Variants in NPAP1 observed in about 807,000 individuals in gnomAD.
The protein encoded by NPAP1 is nuclear pore associated protein 1.
For synonymous variants in NPAP1, 616 were observed against 581.4 expected, an observed-to-expected ratio of 1.06 and a Z score of -0.86; for missense variants, 1,483 against 1,454.5, an observed-to-expected ratio of 1.02 and a Z score of -0.32.
At position 24,680,949 on chromosome 15, in the gene NPAP1, C is replaced by T. The variant is rs1426019821; in HGVS notation, c.*1611C>T. The T allele has an allele frequency of 6.0e-6, 1 of 166,986 alleles. No homozygotes were observed. Among genetic ancestry groups the T allele is most frequent in the Non-Finnish European group, 1.5e-5 (1 of 68,130 alleles). The allele number at this position is 166,986 out of a possible 1,614,324, so 10.3% of individuals were successfully genotyped here. A position where few individuals can be genotyped will look rare whatever the true frequency, so the allele number is the denominator to read the frequency against. ...CAGGTGTTTCAGTTTACACTGTGAA[C>T]AAGCCTCACTGGGAAGGTAAATTTA... On this transcript the variant is annotated 3_prime_UTR_variant, in exon 1 of 1. Coordinates refer to ENST00000329468, the MANE Select transcript of NPAP1 (RefSeq NM_018958.3).
chr15:24,678,882 A>T lies in NPAP1; in HGVS notation c.3015A>T (p.Pro1005=), dbSNP rs1254649922. The T allele has an allele frequency of 6.2e-7, 1 of 1,614,034 alleles. No homozygotes were observed. Among genetic ancestry groups the T allele is most frequent in the Non-Finnish European group, 8.5e-7 (1 of 1,180,032 alleles). The change falls in exon 1 of 1, where the codon CCA becomes CCT. Residue 1005 remains proline (P), a synonymous_variant. Coordinates refer to ENST00000329468, the MANE Select transcript of NPAP1 (RefSeq NM_018958.3). ...TGGTTGGAAATACTATTCCAGGCCCACAAGTGATTATGGGACCTGGAACCC... is the reference window on the plus strand; with the variant it reads ...TGGTTGGAAATACTATTCCAGGCCCTCAAGTGATTATGGGACCTGGAACCC... ...TLLVGNTIPG[P]QVIMGPGTPM... is the part of the protein sequence containing the mutation.
chr15:24,675,901 TGCC>T lies in NPAP1; in HGVS notation c.42_44del (p.Arg15del). The T allele has an allele frequency of 6.3e-7, 1 of 1,577,806 alleles. No homozygotes were observed. Among genetic ancestry groups the T allele is most frequent in the Non-Finnish European group, 8.6e-7 (1 of 1,165,596 alleles). ...TTTACTTAGTAAATTTAGACCCGGG[TGCC>T]GCCGCCGGCCCCTGCCAGGGCCAGG... On this transcript the variant is annotated inframe_deletion, in exon 1 of 1. Coordinates refer to ENST00000329468, the MANE Select transcript of NPAP1 (RefSeq NM_018958.3).
rs771165588 is a variant in NPAP1 at position 24,676,033 on chromosome 15, C to G, written c.166C>G (p.Arg56Gly). The G allele has an allele frequency of 5.0e-6, 8 of 1,596,386 alleles. No individual in the cohort carries two copies. Among genetic ancestry groups the G allele is most frequent in the Non-Finnish European group, 6.0e-6 (7 of 1,172,882 alleles). ...PFRGLFRRNARRRPSAASIFV... is the reference protein window; with the variant it reads ...PFRGLFRRNAGRRPSAASIFV... Reference sequence around the variant, plus strand: ...CCGCGGCCTGTTCCGCCGGAACGCCCGTCGCAGGCCTTCAGCAGCCAGCAT... The same window carrying G: ...CCGCGGCCTGTTCCGCCGGAACGCCGGTCGCAGGCCTTCAGCAGCCAGCAT... Residue 56 changes from arginine (R) to glycine (G), a missense_variant, in exon 1 of 1, where the codon CGT becomes GGT. Physicochemically the swap from Arg to Gly is moderately radical, Grantham distance 125 (BLOSUM62 -2). Coordinates refer to ENST00000329468, the MANE Select transcript of NPAP1 (RefSeq NM_018958.3).
rs534698147 is a variant in NPAP1 at position 24,676,433 on chromosome 15, C to T, written c.566C>T (p.Ser189Phe). Reference sequence around the variant, plus strand: ...AGCAGCGGAGAAGCATCGTCCACATCCAGGTCCCAGGGCACCCAGGGAGAC... The same window carrying T: ...AGCAGCGGAGAAGCATCGTCCACATTCAGGTCCCAGGGCACCCAGGGAGAC... ...PLSSGEASST[S>F]RSQGTQGDVA... Residue 189 changes from serine (S) to phenylalanine (F), a missense_variant, in exon 1 of 1, where the codon TCC (serine) becomes TTC (phenylalanine). Transcript: ENST00000329468. The T allele has an allele frequency of 6.2e-7, 1 of 1,611,390 alleles. No individual in the cohort carries two copies. The highest frequency in any genetic ancestry group is 1.3e-5 in the African/African-American group (1 of 74,972).
At position 24,676,954 on chromosome 15, in the gene NPAP1, G is replaced by A. The variant is rs143596937; in HGVS notation, c.1087G>A (p.Glu363Lys). 2.5e-6 allele frequency: 4 copies of A among 1,597,268 alleles called. No homozygotes were observed. The African/African-American group carries it at 4.2e-5, about 17-fold the overall frequency. The change falls in exon 1 of 1, where the codon GAG (glutamate) becomes AAG (lysine). Residue 363 changes from glutamate to lysine, a missense_variant. Physicochemically the swap from Glu to Lys is moderately conservative, Grantham distance 56 (BLOSUM62 1). Coordinates refer to ENST00000329468, the MANE Select transcript of NPAP1 (RefSeq NM_018958.3). Reference protein sequence around the residue: ...PPAKLPCLSVEGDLHTLEKSP... With the variant: ...PPAKLPCLSVKGDLHTLEKSP... ...TGCTAAGCTCCCCTGCCTGTCTGTT[G>A]AGGGAGACCTACACACCTTGGAGAA...
In NPAP1 at chr15:24,680,127, C is replaced by G. The variant is rs1193645076; in HGVS notation, c.*789C>G. On this transcript the variant is annotated 3_prime_UTR_variant, in exon 1 of 1. Transcript: ENST00000329468. ...TCTCCTGTCTTAGCCTCCTGAGTAG[C>G]TGGGACTACAGGCATATGCCACCAC... 1 of 160,458 alleles carries G rather than the reference C, an allele frequency of 6.2e-6. No individual in the cohort carries two copies. The highest frequency in any genetic ancestry group is 2.1e-4 in the South Asian group (1 of 4,876). The allele number at this position is 160,458 out of a possible 1,614,324, so 9.9% of individuals were successfully genotyped here. A position where few individuals can be genotyped will look rare whatever the true frequency, so the allele number is the denominator to read the frequency against.
In NPAP1 at chr15:24,676,412, G is replaced by A. The variant is rs2141307955; in HGVS notation, c.545G>A (p.Ser182Asn). ...EDDEKRTPLS[S>N]GEASSTSRSQ... The stretch of plus-strand genomic sequence containing the variant: ...GACGAGAAAAGGACCCCCCTTAGCA[G>A]CGGAGAAGCATCGTCCACATCCAGG... The change falls in exon 1 of 1, where the codon AGC becomes AAC. Residue 182 changes from serine to asparagine, a missense_variant. Ser to Asn is a conservative substitution (Grantham distance 46, BLOSUM62 1). Transcript: ENST00000329468. 2 of 1,602,572 alleles carry A rather than the reference G, an allele frequency of 1.2e-6. No individual in the cohort carries two copies. The highest frequency in any genetic ancestry group is 2.2e-5 in the East Asian group (1 of 44,816).
rs2141310702 is a variant in NPAP1, at chr15:24,677,597, A to G, written c.1730A>G (p.Asn577Ser). ...SQTAVDPEVV[N>S]MDTTAPSQVV... ...ACTGCGGTAGACCCTGAAGTAGTTA[A>G]TATGGATACTACTGCCCCATCTCAG... is the stretch of plus-strand genomic sequence containing the variant. The change falls in exon 1 of 1, where the codon AAT (asparagine) becomes AGT (serine). Residue 577 changes from asparagine (N) to serine (S), a missense_variant. By Grantham distance (46) the Asn-to-Ser change is conservative. Coordinates refer to ENST00000329468, the MANE Select transcript of NPAP1 (RefSeq NM_018958.3). 6.2e-7 allele frequency: 1 copy of G among 1,614,194 alleles called. No homozygotes were observed.
At position 24,682,435 on chromosome 15, in the gene NPAP1, T is replaced by C. The variant is rs554870834; in HGVS notation, c.*3097T>C. Reference sequence around the variant, plus strand: ...CCTGGTAAGACAAACTTTGAATAAATGTGTGAGAGATACAAAGATAATTTT... The same window carrying C: ...CCTGGTAAGACAAACTTTGAATAAACGTGTGAGAGATACAAAGATAATTTT... On this transcript the variant is annotated 3_prime_UTR_variant, in exon 1 of 1. Transcript: ENST00000329468. 1 of 166,788 alleles carries C rather than the reference T, an allele frequency of 6.0e-6. No individual in the cohort carries two copies. The highest frequency in any genetic ancestry group is 1.9e-4 in the East Asian group (1 of 5,192). The allele number at this position is 166,788 out of a possible 1,614,324, so 10.3% of individuals were successfully genotyped here.
Position 24,676,065 on chromosome 15 carries a change from C to A in NPAP1, c.198C>A (p.Val66=), listed in dbSNP as rs1344201433. 3 of 1,576,664 alleles carry A rather than the reference C, an allele frequency of 1.9e-6. No individual in the cohort carries two copies. The highest frequency in any genetic ancestry group is 1.9e-5 in the Admixed American group (1 of 53,912). The part of the protein sequence containing the change: ...RRRPSAASIF[V]APKRPCPLPR... The stretch of plus-strand genomic sequence containing the variant: ...GGCCTTCAGCAGCCAGCATCTTCGT[C>A]GCCCCTAAGAGGCCGTGTCCTCTCC... Residue 66 remains valine, a synonymous_variant, in exon 1 of 1, where the codon GTC becomes GTA. Coordinates refer to ENST00000329468, the MANE Select transcript of NPAP1 (RefSeq NM_018958.3).
Position 24,676,036 on chromosome 15 carries a change from C to A in NPAP1, c.169C>A (p.Arg57Ser), listed in dbSNP as rs1184169080. Reference sequence around the variant, plus strand: ...CGGCCTGTTCCGCCGGAACGCCCGTCGCAGGCCTTCAGCAGCCAGCATCTT... The same window carrying A: ...CGGCCTGTTCCGCCGGAACGCCCGTAGCAGGCCTTCAGCAGCCAGCATCTT... ...FRGLFRRNARRRPSAASIFVA... is the reference protein window; with the variant it reads ...FRGLFRRNARSRPSAASIFVA... The change falls in exon 1 of 1, where the codon CGC becomes AGC. Residue 57 changes from arginine (R) to serine (S), a missense_variant. Coordinates refer to ENST00000329468, the MANE Select transcript of NPAP1 (RefSeq NM_018958.3). 1 of 1,596,336 alleles carries A rather than the reference C, an allele frequency of 6.3e-7. No individual in the cohort carries two copies. Among genetic ancestry groups the A allele is most frequent in the South Asian group, 1.1e-5 (1 of 89,248 alleles).
At position 24,682,120 on chromosome 15, in the gene NPAP1, G is replaced by T. The variant is rs749413509; in HGVS notation, c.*2782G>T. Reference sequence around the variant, plus strand: ...ATAACAGAGACTAAAACATTTATGAGATTAGGCCTGAAAGAAAACAATCAC... The same window carrying T: ...ATAACAGAGACTAAAACATTTATGATATTAGGCCTGAAAGAAAACAATCAC... On this transcript the variant is annotated 3_prime_UTR_variant, in exon 1 of 1. Transcript: ENST00000329468. 3 of 166,982 alleles carry T rather than the reference G, an allele frequency of 1.8e-5. No individual in the cohort carries two copies. Among genetic ancestry groups the T allele is most frequent in the Non-Finnish European group, 4.4e-5 (3 of 68,106 alleles). The allele number at this position is 166,982 out of a possible 1,614,324, so 10.3% of individuals were successfully genotyped here.
At position 24,675,930 on chromosome 15, in the gene NPAP1, G is replaced by A. The variant is rs1282778094; in HGVS notation, c.63G>A (p.Gly21=). The change falls in exon 1 of 1, where the codon GGG becomes GGA. Residue 21 remains glycine (G), a synonymous_variant. Transcript: ENST00000329468. ...GCCGCCGGCCCCTGCCAGGGCCAGG[G>A]CGTGGCGCCCCCGCTCCCCTGTCCC... ...GCRRRPLPGP[G]RGAPAPLSRD... is the part of the protein sequence containing the mutation. 3 of 1,585,216 alleles carry A rather than the reference G, an allele frequency of 1.9e-6. No individual in the cohort carries two copies. The African/African-American group carries it at 4.1e-5, about 22-fold the overall frequency.
Position 24,676,080 on chromosome 15 carries a change from G to A in NPAP1, c.213G>A (p.Pro71=), listed in dbSNP as rs761710710. ...AASIFVAPKR[P]CPLPRAAAAP... Reference sequence around the variant, plus strand: ...GCATCTTCGTCGCCCCTAAGAGGCCGTGTCCTCTCCCTCGGGCTGCGGCCG... The same window carrying A: ...GCATCTTCGTCGCCCCTAAGAGGCCATGTCCTCTCCCTCGGGCTGCGGCCG... The change falls in exon 1 of 1, where the codon CCG becomes CCA. Residue 71 remains proline, a synonymous_variant. Transcript: ENST00000329468. 3 of 1,569,638 alleles carry A rather than the reference G, an allele frequency of 1.9e-6. No individual in the cohort carries two copies. The highest frequency in any genetic ancestry group is 2.6e-6 in the Non-Finnish European group (3 of 1,162,134).
At position 24,678,680 on chromosome 15, in the gene NPAP1, G is replaced by A. The variant is rs867699058; in HGVS notation, c.2813G>A (p.Gly938Asp). 51 of 1,614,026 alleles carry A rather than the reference G, an allele frequency of 3.2e-5. No individual in the cohort carries two copies. The Middle Eastern group carries it at 6.6e-3, about 208-fold the overall frequency. ...TCTCCTTCAGTCCAGCCACTGAGTG[G>A]CAGCATAATTCCACCAGGTTTTGCA... ...LTSPSVQPLSGSIIPPGFAEL... is the reference protein window; with the variant it reads ...LTSPSVQPLSDSIIPPGFAEL... Residue 938 changes from glycine (G) to aspartate (D), a missense_variant, in exon 1 of 1, where the codon GGC becomes GAC. Gly to Asp is a moderately conservative substitution (Grantham distance 94). Transcript: ENST00000329468.
At position 24,676,593 on chromosome 15, in the gene NPAP1, A is replaced by G. The variant is rs762073634; in HGVS notation, c.726A>G (p.Thr242=). The G allele has an allele frequency of 3.7e-5, 59 of 1,613,912 alleles. No homozygotes were observed. The highest frequency in any genetic ancestry group is 5.0e-5 in the Admixed American group (3 of 60,002). The change falls in exon 1 of 1, where the codon ACA becomes ACG. Residue 242 remains threonine (T), a synonymous_variant. Transcript: ENST00000329468. ...SCLEGPAMPS[T]HSQAGCARHL... ...TGGAAGGCCCTGCCATGCCCAGCAC[A>G]CACAGCCAGGCCGGATGTGCCCGGC...
chr15:24,676,295 C>G lies in NPAP1; in HGVS notation c.428C>G (p.Ala143Gly), dbSNP rs2141307703. 6.6e-7 allele frequency: 1 copy of G among 1,519,718 alleles called. No homozygotes were observed. The highest frequency in any genetic ancestry group is 1.4e-5 in the African/African-American group (1 of 71,774). The allele number at this position is 1,519,718 out of a possible 1,614,324, so 94.1% of individuals were successfully genotyped here. Residue 143 changes from alanine (A) to glycine (G), a missense_variant, in exon 1 of 1, where the codon GCC (alanine) becomes GGC (glycine). Coordinates refer to ENST00000329468, the MANE Select transcript of NPAP1 (RefSeq NM_018958.3). The stretch of plus-strand genomic sequence containing the variant: ...GTCAAGGCCAGGAAGCCCATCCCAG[C>G]CACTCTCCTGGAGGAGACCGAGGTG... ...PAVKARKPIP[A>G]TLLEETEVWA...
Position 24,680,833 on chromosome 15 carries a change from C to G in NPAP1, c.*1495C>G, listed in dbSNP as rs977183395. The G allele has an allele frequency of 6.0e-6, 1 of 166,696 alleles. No homozygotes were observed. Among genetic ancestry groups the G allele is most frequent in the Non-Finnish European group, 1.5e-5 (1 of 68,094 alleles). The allele number at this position is 166,696 out of a possible 1,614,324, so 10.3% of individuals were successfully genotyped here. A position where few individuals can be genotyped will look rare whatever the true frequency, so the allele number is the denominator to read the frequency against. Reference sequence around the variant, plus strand: ...TTCTAGTTGAAGGGGAGAAAAGAAGCAAAAACATGGAAATTATCTGGTAAA... The same window carrying G: ...TTCTAGTTGAAGGGGAGAAAAGAAGGAAAAACATGGAAATTATCTGGTAAA... On this transcript the variant is annotated 3_prime_UTR_variant, in exon 1 of 1. Transcript: ENST00000329468.
rs373468615 is a variant in NPAP1 at position 24,677,275 on chromosome 15, G to T, written c.1408G>T (p.Val470Phe). 1 of 1,614,078 alleles carries T rather than the reference G, an allele frequency of 6.2e-7. No individual in the cohort carries two copies. Among genetic ancestry groups the T allele is most frequent in the Non-Finnish European group, 8.5e-7 (1 of 1,180,014 alleles). Residue 470 changes from valine to phenylalanine, a missense_variant, in exon 1 of 1, where the codon GTT becomes TTT. By Grantham distance (50) the Val-to-Phe change is conservative. Coordinates refer to ENST00000329468, the MANE Select transcript of NPAP1 (RefSeq NM_018958.3). ...NSPLALPADL[V>F]PILGDQSNEK... The stretch of plus-strand genomic sequence containing the variant: ...TCCTCTGGCTCTTCCTGCTGACCTT[G>T]TTCCCATTTTGGGTGATCAGTCTAA...
Sources: allele counts gnomAD v4.1 joint callset, GRCh38; gene constraint gnomAD v4.1.1; transcripts MANE v1.5; gene names NCBI Gene and HGNC (gene_info 2026-07-23, HGNC 2026-07-21).